Variants in AVEN observed in about 807,000 individuals in gnomAD.
AVEN encodes apoptosis and caspase activation inhibitor.
AVEN carries 41 observed loss-of-function variants against 38.1 expected under a neutral mutation model. The observed-to-expected ratio is 1.08, with a 90% confidence interval of 0.84 to 1.40. The LOEUF (loss-of-function observed/expected upper bound fraction) is 1.40, where lower values mean the gene tolerates loss of function less well. Among genes scored for constraint, AVEN ranks in the 40% most tolerant of loss-of-function variants. The pLI is 0.00. For synonymous variants in AVEN, 206 were observed against 171.8 expected, an observed-to-expected ratio of 1.20 and a Z score of -1.56; for missense variants, 605 against 438.8, an observed-to-expected ratio of 1.38 and a Z score of -3.38.
At chr15:33,940,743 T>C (rs1430347432) in intron 2 of AVEN, among the ~76,000 whole-genome samples, 1 of 152,166 alleles carries the variant, frequency 6.6e-6, no homozygotes, top group East Asian at 1.9e-4. Flanking sequence ...GGTTTCACCA[T>C]GTTGGCCAGG....
At chr15:33,859,421 G>A (rs1460370893) in intron 11 of AVEN, among the ~76,000 whole-genome samples, 2 of 152,218 alleles carry the variant, frequency 1.3e-5, no homozygotes, top group African/African-American at 4.8e-5. Flanking sequence ...GCAGTGGACA[G>A]CAGCTAGCAG....
At chr15:34,033,729 A>G (rs1898972738) in intron 1 of AVEN, among the ~76,000 whole-genome samples, 1 of 152,182 alleles carries the variant, frequency 6.6e-6, no homozygotes, top group African/African-American at 2.4e-5. Flanking sequence ...GAATTAAAAT[A>G]CAAGTAAAAA....
intron 3 of AVEN, among the ~76,000 whole-genome samples, chr15:33,874,280 G>C (rs77228203): frequency 0.071 from 10,774 of 152,092 alleles, 461 homozygotes; most frequent in South Asian, 0.2. Flanking sequence ...GAAGGAAAAA[G>C]TTTGCCCAAG....
chr15:33,997,472 T>C (rs534660627), intron 2 of AVEN, among the ~76,000 whole-genome samples: 1 of 152,194 alleles, frequency 6.6e-6, no homozygotes, highest in Admixed American at 6.5e-5. Flanking sequence ...CCACACCAAC[T>C]CACAGCCAGG....
chr15:33,992,233 C>A (rs1377980284), intron 2 of AVEN, among the ~76,000 whole-genome samples: 1 of 152,136 alleles, frequency 6.6e-6, no homozygotes, highest in Non-Finnish European at 1.5e-5. Context: ...TAAAAAAATA[C>A]AAAACAGTTA....
At chr15:33,940,485 A>T (rs2040961810) in intron 2 of AVEN, among the ~76,000 whole-genome samples, 4 of 152,150 alleles carry the variant, frequency 2.6e-5, no homozygotes, top group Admixed American at 2.6e-4. Context: ...CATACCTATA[A>T]AACTGGGAAG....
chr15:33,976,003 T>C (rs140393034), intron 2 of AVEN, among the ~76,000 whole-genome samples: 1 of 152,322 alleles, frequency 6.6e-6, no homozygotes, highest in Non-Finnish European at 1.5e-5. Flanking sequence ...AACAACATTA[T>C]ACCAAACACT....
chr15:33,956,091 T>C (rs1894941165), intron 2 of AVEN, among the ~76,000 whole-genome samples: 1 of 152,204 alleles, frequency 6.6e-6, no homozygotes, highest in Admixed American at 6.5e-5. Context: ...CTGTTATCTG[T>C]AGGGCCGTCT....
intron 2 of AVEN, among the ~76,000 whole-genome samples, chr15:33,887,614 C>T (rs116209100): frequency 0.015 from 2,340 of 152,112 alleles, 62 homozygotes; most frequent in African/African-American, 0.051. Context: ...AGATACACTC[C>T]TGCTCTCCTT....
At chr15:33,969,594 C>T (rs184633815) in intron 2 of AVEN, among the ~76,000 whole-genome samples, 50 of 152,034 alleles carry the variant, frequency 3.3e-4, no homozygotes, top group African/African-American at 1.2e-3. Flanking sequence ...AGCTCAATGA[C>T]TGATTTCTAT....
In AVEN at chr15:33,916,689, A is replaced by G. The variant is rs542254231; in HGVS notation, c.446-40694T>C. On this transcript the variant is annotated intron_variant, in intron 2 of 5. Coordinates refer to ENST00000306730, the MANE Select transcript of AVEN (RefSeq NM_020371.3). ...CCATAATAAAAAAATAATAATAATAAATGTTGGCATGGATGTGGTGAAAAG... is the reference window on the plus strand; with the variant it reads ...CCATAATAAAAAAATAATAATAATAGATGTTGGCATGGATGTGGTGAAAAG... Among the ~76,000 whole-genome samples, 9 of 152,218 alleles carry G rather than the reference A, an allele frequency of 5.9e-5. No homozygotes were observed. The South Asian group carries it at 1.5e-3, about 25-fold the overall frequency.
downstream of AVEN, among the ~76,000 whole-genome samples, chr15:33,861,604 A>G (rs1012421405): frequency 7.9e-5 from 12 of 151,346 alleles, no homozygotes; most frequent in African/African-American, 2.9e-4. Context: ...ACTGTCTTCA[A>G]TTTTTCTCTT....
chr15:33,864,196 A>C (rs779658280), downstream of AVEN: 16 of 1,606,606 alleles, frequency 1.0e-5, no homozygotes, highest in Non-Finnish European at 1.2e-5. Flanking sequence ...TCAGGTGAGA[A>C]ATTAAGAATC....
chr15:33,974,745 G>T (rs936206321), intron 2 of AVEN, among the ~76,000 whole-genome samples: 2 of 152,206 alleles, frequency 1.3e-5, no homozygotes, highest in African/African-American at 4.8e-5. Flanking sequence ...GGCCGAGGCA[G>T]GTGGATCACC....
intron 1 of AVEN, among the ~76,000 whole-genome samples, chr15:34,023,060 G>A (rs1382575822): frequency 6.6e-6 from 1 of 152,130 alleles, no homozygotes; most frequent in Admixed American, 6.5e-5. Flanking sequence ...GGTGGTGTGC[G>A]CCTGTAGTCC....
chr15:33,855,349 ACAT>A, downstream of AVEN, among the ~76,000 whole-genome samples: 1 of 152,172 alleles, frequency 6.6e-6, no homozygotes, highest in Non-Finnish European at 1.5e-5. Context: ...GATTACAGGC[ACAT>A]GCCACCATGC....
At chr15:33,936,841 C>CGTT (rs911286617) in intron 2 of AVEN, among the ~76,000 whole-genome samples, 2 of 152,110 alleles carry the variant, frequency 1.3e-5, no homozygotes, top group African/African-American at 4.8e-5. Flanking sequence ...AAATTAAGAC[C>CGTT]AAAAACAGGG....
intron 2 of AVEN, among the ~76,000 whole-genome samples, chr15:33,976,554 C>G (rs1010588601): frequency 6.6e-6 from 1 of 152,140 alleles, no homozygotes; most frequent in African/African-American, 2.4e-5. Flanking sequence ...CAGTAGACAA[C>G]ACACTTTTAT....
chr15:34,059,767 C>G (rs1386637870), intron 5 of AVEN, among the ~76,000 whole-genome samples: 1 of 152,230 alleles, frequency 6.6e-6, no homozygotes, highest in Non-Finnish European at 1.5e-5. Context: ...ACTCTTAGGT[C>G]TCTTCCTCAG....
Sources: allele counts gnomAD v4.1 joint callset (sites outside exome capture counted in the v4.1 genomes callset), GRCh38; gene constraint gnomAD v4.1.1; transcripts MANE v1.5; gene names NCBI Gene and HGNC (gene_info 2026-07-23, HGNC 2026-07-21).